The following MBNL2 variants were observed in gnomAD, a reference collection of about 807,000 sequenced individuals.
MBNL2 encodes muscleblind like splicing regulator 2.
In MBNL2, 17 loss-of-function variants were observed where a neutral mutation model predicts 41.9. That is an observed-to-expected ratio of 0.41 (90% confidence interval 0.28 to 0.61). MBNL2 has a LOEUF of 0.61. Among genes scored for constraint, MBNL2 ranks in the 20% least tolerant of loss-of-function variants. MBNL2 has a pLI of 0.35. For missense variants in MBNL2, 336 were observed against 505.6 expected, an observed-to-expected ratio of 0.66 and a Z score of 3.22; for synonymous variants, 195 against 182.9, an observed-to-expected ratio of 1.07 and a Z score of -0.53.
At chr13:97,353,996 T>A (rs543340010) in intron 5 of MBNL2, among the ~76,000 whole-genome samples, 1 of 151,412 alleles carries the variant, frequency 6.6e-6, no homozygotes, top group Non-Finnish European at 1.5e-5. Flanking sequence ...ATGTAGGCAC[T>A]TGGTTCGATT....
At chr13:97,389,878 A>T (rs2066261569) in intron 8 of MBNL2, among the ~76,000 whole-genome samples, 1 of 152,122 alleles carries the variant, frequency 6.6e-6, no homozygotes, top group Non-Finnish European at 1.5e-5. Context: ...TAAGGGATGA[A>T]ATCAAAACAT....
the MBNL2 span, among the ~76,000 whole-genome samples, chr13:97,171,867 T>C: frequency 6.6e-6 from 1 of 152,246 alleles, no homozygotes; most frequent in East Asian, 1.9e-4. Context: ...ATAAGTCACA[T>C]GAGATTGATG....
chr13:97,281,318 T>C lies in MBNL2; in HGVS notation c.174+4909T>C, dbSNP rs541018420. Among the ~76,000 whole-genome samples, 6 of 152,316 alleles carry C rather than the reference T, an allele frequency of 3.9e-5. No homozygotes were observed. The South Asian group carries it at 6.2e-4, about 16-fold the overall frequency. ...CCTGTACAGACATGTGCTATTGCCC[T>C]GGTGTCAGTATCTCAGTAGATTTCA... On this transcript the variant is annotated intron_variant, in intron 2 of 8. Transcript: ENST00000679496.
chr13:97,201,659 T>C, the MBNL2 span, among the ~76,000 whole-genome samples: 1 of 152,228 alleles, frequency 6.6e-6, no homozygotes, highest in Non-Finnish European at 1.5e-5. Context: ...GAAATTATAA[T>C]CTTCAGAAGG....
chr13:97,228,518 A>G (rs1326174047), intron 1 of MBNL2, among the ~76,000 whole-genome samples: 2 of 144,002 alleles, frequency 1.4e-5, no homozygotes, highest in Admixed American at 7.3e-5. Flanking sequence ...TTCAGTTTTT[A>G]TATTTATTAT....
intron 2 of MBNL2, among the ~76,000 whole-genome samples, chr13:97,306,149 C>CA (rs553040687): frequency 1.1e-3 from 171 of 152,288 alleles, no homozygotes; most frequent in African/African-American, 3.7e-3. Flanking sequence ...TCCTCTTTCC[C>CA]CAGTGTCCCT....
chr13:97,152,623 A>G, the MBNL2 span, among the ~76,000 whole-genome samples: 7 of 152,200 alleles, frequency 4.6e-5, no homozygotes, highest in Non-Finnish European at 1.0e-4. Context: ...AAAATAATCA[A>G]TGCCTACCTT....
At chr13:97,167,448 T>G in the MBNL2 span, among the ~76,000 whole-genome samples, 2 of 152,024 alleles carry the variant, frequency 1.3e-5, no homozygotes, top group African/African-American at 2.4e-5. Flanking sequence ...GTAGATATTT[T>G]TATAGGAAAA....
intron 7 of MBNL2, among the ~76,000 whole-genome samples, chr13:97,360,320 T>A (rs2063300788): frequency 6.6e-6 from 1 of 152,212 alleles, no homozygotes; most frequent in Non-Finnish European, 1.5e-5. Flanking sequence ...AATATAAAAT[T>A]TTATGCAAAA....
At chr13:97,178,349 C>G in the MBNL2 span, among the ~76,000 whole-genome samples, 1 of 152,108 alleles carries the variant, frequency 6.6e-6, no homozygotes, top group East Asian at 1.9e-4. Context: ...ATGATCAGCA[C>G]AGGGAAATTT....
At chr13:97,221,441 C>G (rs1314814725), upstream of MBNL2, 1 of 152,110 alleles carries the variant, frequency 6.6e-6, no homozygotes, top group East Asian at 1.9e-4. Context: ...TCTCAGGAAA[C>G]TCCAGCACCT....
chr13:97,205,456 T>C, the MBNL2 span, among the ~76,000 whole-genome samples: 1 of 152,068 alleles, frequency 6.6e-6, no homozygotes, highest in Admixed American at 6.6e-5. Flanking sequence ...GCATATAAAG[T>C]ATATGACAGA....
At chr13:97,386,622 A>G (rs903054739) in intron 8 of MBNL2, among the ~76,000 whole-genome samples, 2 of 152,226 alleles carry the variant, frequency 1.3e-5, no homozygotes, top group Admixed American at 1.3e-4. Flanking sequence ...TGAGGACACT[A>G]TAATTATTAA....
At position 97,348,757 on chromosome 13, in the gene MBNL2, C is replaced by T. The variant is rs544828607; in HGVS notation, c.804+1690C>T. On this transcript the variant is annotated intron_variant, in intron 5 of 8. Coordinates refer to ENST00000679496, the MANE Select transcript of MBNL2 (RefSeq NM_001382683.1). ...AGAGATGAAAAGTACAGTTTGAAAA[C>T]ACTTTGTTCTAGTTAGCAGCCATCA... Among the ~76,000 whole-genome samples the T allele has an allele frequency of 2.0e-5, 3 of 152,304 alleles. No homozygotes were observed. In the East Asian group the frequency reaches 5.8e-4, roughly 29 times the overall value.
At chr13:97,247,592 A>G (rs941331779) in intron 1 of MBNL2, among the ~76,000 whole-genome samples, 1 of 152,236 alleles carries the variant, frequency 6.6e-6, no homozygotes, top group African/African-American at 2.4e-5. Flanking sequence ...AGAATATTCC[A>G]ATGTAAAATG....
chr13:97,209,683 A>T, the MBNL2 span, among the ~76,000 whole-genome samples: 2 of 152,182 alleles, frequency 1.3e-5, no homozygotes, highest in Non-Finnish European at 2.9e-5. Context: ...AAAAATGTGT[A>T]CTCATTGCTC....
chr13:97,284,515 T>C (rs1365944468), intron 2 of MBNL2, among the ~76,000 whole-genome samples: 1 of 152,212 alleles, frequency 6.6e-6, no homozygotes, highest in Non-Finnish European at 1.5e-5. Context: ...CTGCCCTTCT[T>C]TGGTATGACC....
the MBNL2 span, among the ~76,000 whole-genome samples, chr13:97,148,636 A>G: frequency 6.6e-6 from 1 of 152,158 alleles, no homozygotes; most frequent in East Asian, 1.9e-4. Context: ...AATAAAGTCT[A>G]TTTAAAAAGA....
At chr13:97,354,510 A>AC (rs745960354) in intron 5 of MBNL2, among the ~76,000 whole-genome samples, 50 of 152,318 alleles carry the variant, frequency 3.3e-4, no homozygotes, top group Non-Finnish European at 5.6e-4. Flanking sequence ...GAAAACTCCC[A>AC]CCACAGAGTG....
Sources: allele counts gnomAD v4.1 joint callset (sites outside exome capture counted in the v4.1 genomes callset), GRCh38; gene constraint gnomAD v4.1.1; transcripts MANE v1.5; gene names NCBI Gene and HGNC (gene_info 2026-07-23, HGNC 2026-07-21).